Variants in OTUD3 observed in about 807,000 individuals in gnomAD.
OTUD3 encodes OTU deubiquitinase 3, also known as OTU domain-containing protein 3.
Under a neutral mutation model 46.2 loss-of-function variants are expected in OTUD3, and 24 were observed. The observed-to-expected ratio is 0.52, with a 90% CI of 0.38 to 0.73. OTUD3 has a LOEUF of 0.73. OTUD3 is among the 30% of genes least tolerant of loss of function. OTUD3 has a pLI of 0.00. For synonymous variants in OTUD3, 189 were observed against 195.4 expected, an observed-to-expected ratio of 0.97 and a Z score of 0.27; for missense variants, 455 against 523.3, an observed-to-expected ratio of 0.87 and a Z score of 1.27.
At chr1:19,906,130 G>A (rs576730999) in intron 6 of OTUD3, among the ~76,000 whole-genome samples, 4 of 152,276 alleles carry the variant, frequency 2.6e-5, no homozygotes, top group Non-Finnish European at 5.9e-5. Flanking sequence ...TGGGTTTTGG[G>A]TGCAAATGAA....
intron 2 of OTUD3, among the ~76,000 whole-genome samples, chr1:19,893,802 C>T (rs974256428): frequency 6.6e-6 from 1 of 152,332 alleles, no homozygotes; most frequent in Non-Finnish European, 1.5e-5. Context: ...TCATTAGTGC[C>T]TATCTTGTTT....
intron 3 of OTUD3, among the ~76,000 whole-genome samples, chr1:19,896,158 T>A (rs1163439335): frequency 1.3e-5 from 2 of 152,166 alleles, no homozygotes; most frequent in Admixed American, 1.3e-4. Flanking sequence ...ACTTTCATGG[T>A]TATGGGCTCT....
rs973943846 is a variant in OTUD3, at chr1:19,910,854, C to G, written c.*3108C>G. 1.3e-5 allele frequency: 2 copies of G among 152,482 alleles called. No individual in the cohort carries two copies. The highest frequency in any genetic ancestry group is 6.5e-5 in the Admixed American group (1 of 15,292). 9.4% of individuals were successfully genotyped at this position (152,482 alleles called of 1,614,324 possible). On this transcript the variant is annotated 3_prime_UTR_variant, in exon 8 of 8. Coordinates refer to ENST00000375120, the MANE Select transcript of OTUD3 (RefSeq NM_015207.2). Reference sequence around the variant, plus strand: ...GGGTGGGAGGAGGGCCACCTTCAGTCGGGGAGTTGCTCACATATTACACAG... The same window carrying G: ...GGGTGGGAGGAGGGCCACCTTCAGTGGGGGAGTTGCTCACATATTACACAG...
In OTUD3 at chr1:19,908,688, G is replaced by T. The variant is rs116716008; in HGVS notation, c.*942G>T. ...TTTTCATGTTCGCATTTTAAATAAC[G>T]ATTTTCTTCCCTTCTGTTGTAGACT... On this transcript the variant is annotated 3_prime_UTR_variant, in exon 8 of 8. Coordinates refer to ENST00000375120, the MANE Select transcript of OTUD3 (RefSeq NM_015207.2). 1 of 152,364 alleles carries T rather than the reference G, an allele frequency of 6.6e-6. No homozygotes were observed. The highest frequency in any genetic ancestry group is 1.5e-5 in the Non-Finnish European group (1 of 68,028). The allele number at this position is 152,364 out of a possible 1,614,324, so 9.4% of individuals were successfully genotyped here. A position where few individuals can be genotyped will look rare whatever the true frequency, so the allele number is the denominator to read the frequency against.
intron 2 of OTUD3, among the ~76,000 whole-genome samples, chr1:19,891,621 G>A (rs1459472620): frequency 2.6e-5 from 4 of 152,180 alleles, no homozygotes; most frequent in Non-Finnish European, 5.9e-5. Context: ...GGAGAGGGAG[G>A]AGACAAGAGT....
chr1:19,891,648 C>T (rs1219997930), intron 2 of OTUD3, among the ~76,000 whole-genome samples: 3 of 152,122 alleles, frequency 2.0e-5, no homozygotes, highest in Non-Finnish European at 4.4e-5. Flanking sequence ...GAAGTTTCTG[C>T]TTAGGGAATG....
At chr1:19,901,623 CA>C (rs1375532067) in intron 4 of OTUD3, among the ~76,000 whole-genome samples, 1 of 152,106 alleles carries the variant, frequency 6.6e-6, no homozygotes, top group Non-Finnish European at 1.5e-5. Flanking sequence ...TGTCTAGTCC[CA>C]AAATATTTTC....
intron 2 of OTUD3, among the ~76,000 whole-genome samples, chr1:19,892,450 T>C (rs149266554): frequency 1.3e-5 from 2 of 152,168 alleles, no homozygotes; most frequent in African/African-American, 2.4e-5. Context: ...TAGACATTCA[T>C]AAAGTGAATA....
chr1:19,904,293 A>T lies in OTUD3; in HGVS notation c.633A>T (p.Ser211=). The change falls in exon 5 of 8, where the codon TCA becomes TCT. Residue 211 remains serine, a synonymous_variant. Transcript: ENST00000375120. ...TTCAGATGCTTCATCAAGATGAATC[A>T]AATAAAAGAGAAAAGATCAAGACAA... ...TDFQMLHQDE[S]NKREKIKTKG... The T allele has an allele frequency of 6.2e-7, 1 of 1,607,254 alleles. No homozygotes were observed. Among genetic ancestry groups the T allele is most frequent in the South Asian group, 1.1e-5 (1 of 89,668 alleles).
chr1:19,901,810 T>C (rs991357581), intron 4 of OTUD3, among the ~76,000 whole-genome samples: 4 of 152,254 alleles, frequency 2.6e-5, no homozygotes, highest in Non-Finnish European at 4.4e-5. Context: ...TATAATGTTT[T>C]TGAGAGTCAT....
rs2045708722 is a variant in OTUD3 at position 19,909,583 on chromosome 1, T to A, written c.*1837T>A. 1 of 152,346 alleles carries A rather than the reference T, an allele frequency of 6.6e-6. No individual in the cohort carries two copies. The allele number at this position is 152,346 out of a possible 1,614,324, so 9.4% of individuals were successfully genotyped here. ...GGGCAGATTCCTGACTGGCTGAGTG[T>A]TTCTGAATGAAGATGTTTTCCTGTC... On this transcript the variant is annotated 3_prime_UTR_variant, in exon 8 of 8. Coordinates refer to ENST00000375120, the MANE Select transcript of OTUD3 (RefSeq NM_015207.2).
At chr1:19,907,431 A>G (rs2045674657) in intron 7 of OTUD3, 139 bp from the exon 8 acceptor site, 3 of 681,172 alleles carry the variant, frequency 4.4e-6, no homozygotes, top group Non-Finnish European at 4.9e-6. Context: ...TGGACAGTAA[A>G]TCATCTTTGG....
chr1:19,885,957 A>G (rs61771091), intron 1 of OTUD3, among the ~76,000 whole-genome samples: 11,596 of 152,218 alleles, frequency 0.076, 599 homozygotes, highest in African/African-American at 0.15. Context: ...GAGGGGGTTT[A>G]GGGATGAATT....
At chr1:19,900,340 ACCACT>A (rs939603761) in intron 4 of OTUD3, among the ~76,000 whole-genome samples, 5 of 151,974 alleles carry the variant, frequency 3.3e-5, no homozygotes, top group African/African-American at 1.2e-4. Context: ...ACAGCTGTGT[ACCACT>A]ATGCCTGGCT....
At chr1:19,889,625 G>C (rs1226941857) in intron 1 of OTUD3, among the ~76,000 whole-genome samples, 1 of 152,178 alleles carries the variant, frequency 6.6e-6, no homozygotes, top group African/African-American at 2.4e-5. Flanking sequence ...TCGGAATTTA[G>C]AAGCCTTTGA....
chr1:19,882,496 G>T lies in OTUD3; in HGVS notation c.-18G>T. ...CTGCGCCTTTCCCTCCTGCCGCTGG[G>T]GACTGCAGGCTAAGGCCATGTCCCG... is the stretch of plus-strand genomic sequence containing the variant. On this transcript the variant is annotated 5_prime_UTR_variant, in exon 1 of 8. Coordinates refer to ENST00000375120, the MANE Select transcript of OTUD3 (RefSeq NM_015207.2). 1 of 1,355,046 alleles carries T rather than the reference G, an allele frequency of 7.4e-7. No individual in the cohort carries two copies. Among genetic ancestry groups the T allele is most frequent in the African/African-American group, 1.5e-5 (1 of 65,652 alleles). The allele number at this position is 1,355,046 out of a possible 1,614,324, so 83.9% of individuals were successfully genotyped here. A position where few individuals can be genotyped will look rare whatever the true frequency, so the allele number is the denominator to read the frequency against.
chr1:19,905,125 C>G, intron 6 of OTUD3, 138 bp downstream of exon 6: 2 of 589,674 alleles, frequency 3.4e-6, no homozygotes, highest in Non-Finnish European at 6.1e-6. Context: ...ACGTTCTGTA[C>G]GTAGACATTT....
chr1:19,888,096 T>C (rs2045394480), intron 1 of OTUD3, among the ~76,000 whole-genome samples: 1 of 152,216 alleles, frequency 6.6e-6, no homozygotes, highest in Admixed American at 6.5e-5. Context: ...CATTTGGCAA[T>C]GTCTAGAGAC....
At chr1:19,904,862 G>T (rs1336738154) in intron 5 of OTUD3, 29 bp from the exon 6 acceptor site, 8 of 1,157,422 alleles carry the variant, frequency 6.9e-6, no homozygotes, top group Admixed American at 2.0e-5. Context: ...TTTTGAAGTG[G>T]TTTTTTTGTT....
Sources: gnomAD v4.1 joint callset for allele counts (sites outside exome capture counted in the v4.1 genomes callset) on GRCh38, gnomAD v4.1.1 for gene constraint, MANE v1.5 for transcripts, NCBI Gene and HGNC (gene_info 2026-07-23, HGNC 2026-07-21) for gene names.